Variants in IL1RAP observed in about 807,000 individuals in gnomAD.
IL1RAP encodes interleukin-1 receptor accessory protein.
Under a neutral mutation model 60.7 loss-of-function variants are expected in IL1RAP, and 35 were observed. That is an observed-to-expected ratio of 0.58 (90% confidence interval 0.44 to 0.76). The LOEUF is 0.76. Among genes scored for constraint, IL1RAP ranks in the 30% least tolerant of loss-of-function variants. IL1RAP has a pLI of 0.00. For synonymous variants in IL1RAP, 268 were observed against 250.9 expected (o/e 1.07, Z -0.64); for missense variants, 572 against 693.9 (o/e 0.82, Z 1.97).
intron 1 of IL1RAP, among the ~76,000 whole-genome samples, chr3:190,520,993 G>A (rs984416924): frequency 4.6e-5 from 7 of 152,140 alleles, no homozygotes; most frequent in Non-Finnish European, 7.4e-5. Context: ...GACTTTGGCC[G>A]AATTATTTGG....
intron 7 of IL1RAP, among the ~76,000 whole-genome samples, 187 bp from the exon 8 acceptor site, chr3:190,627,136 A>G (rs1732357240): frequency 6.6e-6 from 1 of 152,282 alleles, no homozygotes. Flanking sequence ...AGTCGACTAG[A>G]GAATTACTCA....
chr3:190,551,745 A>G (rs1724885271), intron 1 of IL1RAP, among the ~76,000 whole-genome samples: 1 of 152,240 alleles, frequency 6.6e-6, no homozygotes, highest in Non-Finnish European at 1.5e-5. Context: ...ATTATAAACA[A>G]TCTTTTGAAA....
intron 1 of IL1RAP, among the ~76,000 whole-genome samples, chr3:190,543,027 C>T (rs1055935899): frequency 3.9e-5 from 6 of 151,954 alleles, no homozygotes; most frequent in Non-Finnish European, 5.9e-5. Flanking sequence ...GCTGTTCCCT[C>T]GATGGTCATT....
In IL1RAP at chr3:190,627,413, C is replaced by T; in HGVS notation, c.866C>T (p.Pro289Leu). The T allele has an allele frequency of 2.5e-6, 4 of 1,612,948 alleles. No homozygotes were observed. In the South Asian group the frequency reaches 4.4e-5, roughly 18 times the overall value. The change falls in exon 8 of 12, where the codon CCT becomes CTT. Residue 289 changes from proline (P) to leucine (L), a missense_variant. Pro to Leu is a moderately conservative substitution (Grantham distance 98). Coordinates refer to ENST00000447382, the MANE Select transcript of IL1RAP (RefSeq NM_002182.4). ...EVWWTIDGKK[P>L]DDITIDVTIN... The stretch of plus-strand genomic sequence containing the variant: ...TGGTGGACCATTGATGGAAAAAAAC[C>T]TGATGACATCACTATTGATGTCACC...
chr3:190,608,738 GACAA>G (rs371081864), intron 4 of IL1RAP, among the ~76,000 whole-genome samples: 18 of 152,222 alleles, frequency 1.2e-4, no homozygotes, highest in African/African-American at 3.9e-4. Flanking sequence ...TATATACACT[GACAA>G]ACACACACAG....
At chr3:190,521,457 ATT>A (rs79210560) in intron 1 of IL1RAP, among the ~76,000 whole-genome samples, 9,748 of 141,578 alleles carry the variant, frequency 0.069, 727 homozygotes, top group African/African-American at 0.18. Context: ...AGATTATGTC[ATT>A]TTTTTTTTTT....
At chr3:190,622,094 A>T (rs1279048554) in intron 6 of IL1RAP, among the ~76,000 whole-genome samples, 1 of 152,196 alleles carries the variant, frequency 6.6e-6, no homozygotes, top group African/African-American at 2.4e-5. Context: ...ACCAGCTTCC[A>T]TACTAGACAC....
At chr3:190,644,520 G>C in intron 10 of IL1RAP, 123 bp downstream of exon 10, 1 of 735,252 alleles carries the variant, frequency 1.4e-6, no homozygotes. Context: ...GATTTAAGCA[G>C]ATTAACTTTA....
chr3:190,641,477 G>A lies in IL1RAP; in HGVS notation c.1052-2771G>A, dbSNP rs575492516. ...CAGCTAGTAGATTATTTAAGAGTTC[G>A]ATACGTTAAGTAGCATTAATGACTC... is the stretch of plus-strand genomic sequence containing the variant. On this transcript the variant is annotated intron_variant, in intron 9 of 11. Transcript: ENST00000447382. 2.8e-4 allele frequency among the ~76,000 whole-genome samples: 43 copies of A among 152,208 alleles called. No individual in the cohort carries two copies. In the Middle Eastern group the frequency reaches 0.027, roughly 96 times the overall value.
intron 11 of IL1RAP, among the ~76,000 whole-genome samples, chr3:190,646,134 GTT>G (rs1291927811): frequency 1.3e-5 from 2 of 152,148 alleles, no homozygotes; most frequent in Admixed American, 6.5e-5. Flanking sequence ...TAAACATCCT[GTT>G]TATTCACATT....
chr3:190,618,852 A>G (rs1415492941), intron 5 of IL1RAP, among the ~76,000 whole-genome samples: 1 of 152,204 alleles, frequency 6.6e-6, no homozygotes, highest in Non-Finnish European at 1.5e-5. Context: ...CTTCCTCTTG[A>G]TGATCTTTTC....
At chr3:190,603,441 G>A (rs1056342716) in intron 3 of IL1RAP, among the ~76,000 whole-genome samples, 2 of 152,092 alleles carry the variant, frequency 1.3e-5, no homozygotes, top group Admixed American at 6.6e-5. Flanking sequence ...GAGGTCTACT[G>A]TCCTGCTGTC....
intron 1 of IL1RAP, among the ~76,000 whole-genome samples, chr3:190,529,215 G>A (rs956304490): frequency 6.6e-6 from 1 of 152,208 alleles, no homozygotes; most frequent in African/African-American, 2.4e-5. Flanking sequence ...AGACGGAGGA[G>A]TTTAAAGGGA....
intron 1 of IL1RAP, among the ~76,000 whole-genome samples, chr3:190,514,462 G>C (rs1006487055): frequency 6.6e-6 from 1 of 152,180 alleles, no homozygotes; most frequent in Non-Finnish European, 1.5e-5. Flanking sequence ...GTTGTGGGAC[G>C]TCTGCTCGTT....
In IL1RAP at chr3:190,627,367, A is replaced by T; in HGVS notation, c.820A>T (p.Met274Leu). ...CTGTACGGTCTATTTTAGTTTTCTG[A>T]TGGATTCTCGCAATGAGGTTTGGTG... ...IPCTVYFSFL[M>L]DSRNEVWWTI... The change falls in exon 8 of 12, where the codon ATG (methionine) becomes TTG (leucine). Residue 274 changes from methionine to leucine, a missense_variant. Coordinates refer to ENST00000447382, the MANE Select transcript of IL1RAP (RefSeq NM_002182.4). The T allele has an allele frequency of 1.2e-6, 2 of 1,611,160 alleles. No individual in the cohort carries two copies. Among genetic ancestry groups the T allele is most frequent in the Non-Finnish European group, 1.7e-6 (2 of 1,179,482 alleles).
At chr3:190,588,735 G>A (rs1483646951) in intron 3 of IL1RAP, among the ~76,000 whole-genome samples, 1 of 151,976 alleles carries the variant, frequency 6.6e-6, no homozygotes, top group Non-Finnish European at 1.5e-5. Context: ...TGCTTCCTTT[G>A]TTCTAGATTT....
intron 1 of IL1RAP, among the ~76,000 whole-genome samples, chr3:190,521,257 C>T (rs556646050): frequency 6.6e-6 from 1 of 151,920 alleles, no homozygotes; most frequent in African/African-American, 2.4e-5. Context: ...TTTAAGTCGT[C>T]AAAATGCTTG....
intron 9 of IL1RAP, among the ~76,000 whole-genome samples, chr3:190,635,487 G>A (rs1378581278): frequency 6.6e-6 from 1 of 152,024 alleles, no homozygotes; most frequent in Non-Finnish European, 1.5e-5. Flanking sequence ...AGTATTCTGA[G>A]CTATGTGTTT....
intron 3 of IL1RAP, among the ~76,000 whole-genome samples, chr3:190,569,351 A>G (rs1726707419): frequency 1.3e-5 from 2 of 152,150 alleles, no homozygotes; most frequent in Admixed American, 6.5e-5. Flanking sequence ...TTATTTGAAT[A>G]TCCTTGCTTT....
Sources: allele counts gnomAD v4.1 joint callset (sites outside exome capture counted in the v4.1 genomes callset), GRCh38; gene constraint gnomAD v4.1.1; transcripts MANE v1.5; gene names NCBI Gene and HGNC (gene_info 2026-07-23, HGNC 2026-07-21).